The following FBXL22 variants were observed in gnomAD, a reference collection of about 807,000 sequenced individuals.
FBXL22 encodes F-box and leucine rich repeat protein 22.
Under a neutral mutation model 11.7 loss-of-function variants are expected in FBXL22, and 13 were observed. The ratio of observed to expected loss-of-function variants is 1.11; its 90% CI spans 0.73 to 1.77. FBXL22 has a LOEUF of 1.77. Ranked by LOEUF, FBXL22 falls within the 40% of genes most tolerant of loss-of-function variation. The pLI is 0.00. For synonymous variants in FBXL22, 160 were observed against 144.1 expected, an observed-to-expected ratio of 1.11 and a Z score of -0.79; for missense variants, 406 against 320.4, an observed-to-expected ratio of 1.27 and a Z score of -2.04.
chr15:63,599,363 T>C, intron 1 of FBXL22: 1 of 1,431,096 alleles, frequency 7.0e-7, no homozygotes, highest in East Asian at 2.5e-5. Flanking sequence ...CCTTTGAGGC[T>C]TAAACACCTA....
chr15:63,604,277 T>C (rs1219019304), downstream of FBXL22, among the ~76,000 whole-genome samples: 1 of 152,058 alleles, frequency 6.6e-6, no homozygotes, highest in African/African-American at 2.4e-5. Context: ...AAAGCAGGGG[T>C]CACTATAGGT....
intron 1 of FBXL22, chr15:63,599,760 G>A (rs1028856520): frequency 4.0e-5 from 39 of 986,268 alleles, no homozygotes; most frequent in Non-Finnish European, 4.5e-5. Flanking sequence ...TGGCTGCGGG[G>A]AGCCAAGGCC....
chr15:63,597,739 G>A lies in FBXL22; in HGVS notation c.347G>A (p.Cys116Tyr), dbSNP rs1004056901. ...SLVNDFLLRVCDRCPNLASVT... is the reference protein window; with the variant it reads ...SLVNDFLLRVYDRCPNLASVT... ...GTCAATGATTTCCTCCTCCGGGTGTGCGACAGGTAGGCCACCTTGCCTCCT... is the reference window on the plus strand; with the variant it reads ...GTCAATGATTTCCTCCTCCGGGTGTACGACAGGTAGGCCACCTTGCCTCCT... The change falls in exon 1 of 2, where the codon TGC (cysteine) becomes TAC (tyrosine). Residue 116 changes from cysteine (C) to tyrosine (Y), a missense_variant. Cys to Tyr is a radical substitution (Grantham distance 194). Coordinates refer to ENST00000638704, the MANE Select transcript of FBXL22 (RefSeq NM_001367807.1). The surrounding 1 kb of genome is among the most constrained non-coding windows in gnomAD (Gnocchi z 4.3). The A allele has an allele frequency of 1.9e-6, 3 of 1,573,860 alleles. No homozygotes were observed. Among genetic ancestry groups the A allele is most frequent in the South Asian group, 1.2e-5 (1 of 86,532 alleles).
intron 1 of FBXL22, chr15:63,599,882 C>T: frequency 1.0e-6 from 1 of 985,724 alleles, no homozygotes; most frequent in Non-Finnish European, 1.2e-6. Context: ...CCTCACAACC[C>T]CAGTGGTAGA....
rs2067358920 is a variant in FBXL22 at position 63,600,862 on chromosome 15, G to A, written c.519G>A (p.Ala173=). 6.5e-6 allele frequency: 8 copies of A among 1,229,324 alleles called. No individual in the cohort carries two copies. Among genetic ancestry groups the A allele is most frequent in the Non-Finnish European group, 8.1e-6 (8 of 986,446 alleles). The allele number at this position is 1,229,324 out of a possible 1,614,324, so 76.2% of individuals were successfully genotyped here. Reference sequence around the variant, plus strand: ...CTGCCGTGGCGGCGGACGGGCGCGCGCTGCAGACATTGCACGTGGACTTCT... The same window carrying A: ...CTGCCGTGGCGGCGGACGGGCGCGCACTGCAGACATTGCACGTGGACTTCT... ...TLAAVAADGR[A]LQTLHVDFCR... Residue 173 remains alanine, a synonymous_variant, in exon 2 of 2, where the codon GCG becomes GCA. Transcript: ENST00000638704.
chr15:63,607,057 C>CTTT (rs71131174), downstream of FBXL22, among the ~76,000 whole-genome samples: 1 of 137,824 alleles, frequency 7.3e-6, no homozygotes. Context: ...AGCACAGATG[C>CTTT]TTTTTTTTTT....
intron 1 of FBXL22, among the ~76,000 whole-genome samples, chr15:63,598,143 C>T (rs1355728295): frequency 6.6e-6 from 1 of 152,136 alleles, no homozygotes; most frequent in East Asian, 1.9e-4. Flanking sequence ...GCCTGGGAAA[C>T]TACGGAGGAA....
chr15:63,601,411 G>A, downstream of FBXL22: 1 of 1,591,380 alleles, frequency 6.3e-7, no homozygotes, highest in Non-Finnish European at 8.6e-7. Context: ...CTCGGAGTTC[G>A]CCGACTTGCG....
chr15:63,601,257 C>T, downstream of FBXL22: 3 of 1,529,434 alleles, frequency 2.0e-6, no homozygotes, highest in Non-Finnish European at 2.6e-6. Flanking sequence ...CTGGTTCTCA[C>T]TCAACACCAC....
downstream of FBXL22, chr15:63,602,265 A>G (rs2067383019): frequency 6.6e-6 from 1 of 152,434 alleles, no homozygotes. Flanking sequence ...GTGGGGGAAG[A>G]GACAACAGGT....
rs564073394 is a variant in FBXL22 at position 63,600,184 on chromosome 15, T to C, written c.354-513T>C. ...TGAACCCGGACTCAATGCTAACGCG[T>C]GCCCCCACCGCCTTGAGGGTTGGGA... is the stretch of plus-strand genomic sequence containing the variant. On this transcript the variant is annotated intron_variant, in intron 1 of 1. Coordinates refer to ENST00000638704, the MANE Select transcript of FBXL22 (RefSeq NM_001367807.1). 5 of 986,110 alleles carry C rather than the reference T, an allele frequency of 5.1e-6. No individual in the cohort carries two copies. The East Asian group carries it at 5.7e-4, about 112-fold the overall frequency. The allele number at this position is 986,110 out of a possible 1,614,324, so 61.1% of individuals were successfully genotyped here.
In FBXL22 at chr15:63,597,455, C is replaced by T. The variant is rs141944790; in HGVS notation, c.63C>T (p.Phe21=). The change falls in exon 1 of 2, where the codon TTC becomes TTT. Residue 21 remains phenylalanine, a synonymous_variant. Transcript: ENST00000638704. The surrounding 1 kb of genome is among the most constrained non-coding windows in gnomAD (Gnocchi z 4.3). ...QLNRECLLHL[F]SFLDKDSRKS... ...ACCGGGAGTGCCTGCTGCACCTCTT[C>T]TCCTTCCTAGACAAGGACAGCAGGA... The T allele has an allele frequency of 9.5e-5, 154 of 1,614,030 alleles. No homozygotes were observed. The African/African-American group carries it at 1.6e-3, about 17-fold the overall frequency.
Position 63,597,675 on chromosome 15 carries a change from G to A in FBXL22, c.283G>A (p.Ala95Thr). 6.2e-7 allele frequency: 1 copy of A among 1,604,076 alleles called. No homozygotes were observed. The highest frequency in any genetic ancestry group is 1.3e-5 in the African/African-American group (1 of 74,884). The change falls in exon 1 of 2, where the codon GCC (alanine) becomes ACC (threonine). Residue 95 changes from alanine to threonine, a missense_variant. Coordinates refer to ENST00000638704, the MANE Select transcript of FBXL22 (RefSeq NM_001367807.1). This position sits in a 1 kb window ranked among gnomAD's most constrained non-coding sequence, Gnocchi z 4.3. ...VCSIEDWLKS[A>T]FQRSICSRHE... is the part of the protein sequence containing the mutation. ...CAGCATTGAGGACTGGCTCAAGAGT[G>A]CCTTCCAGAGAAGCATCTGCAGCCG... is the stretch of plus-strand genomic sequence containing the variant.
intron 1 of FBXL22, chr15:63,599,686 G>C: frequency 1.0e-6 from 1 of 987,008 alleles, no homozygotes; most frequent in Non-Finnish European, 1.2e-6. Context: ...GGGCAGTCAC[G>C]GAGCTGCGGG....
Position 63,597,700 on chromosome 15 carries a change from G to C in FBXL22, c.308G>C (p.Arg103Pro). ...GCCTTCCAGAGAAGCATCTGCAGCC[G>C]GCACGAGAGCCTGGTCAATGATTTC... ...KSAFQRSICS[R>P]HESLVNDFLL... is the part of the protein sequence containing the mutation. Residue 103 changes from arginine (R) to proline (P), a missense_variant, in exon 1 of 2, where the codon CGG becomes CCG. Coordinates refer to ENST00000638704, the MANE Select transcript of FBXL22 (RefSeq NM_001367807.1). This position sits in a 1 kb window ranked among gnomAD's most constrained non-coding sequence, Gnocchi z 4.3. 2 of 1,598,842 alleles carry C rather than the reference G, an allele frequency of 1.3e-6. No homozygotes were observed. The highest frequency in any genetic ancestry group is 8.5e-7 in the Non-Finnish European group (1 of 1,169,610).
intron 1 of FBXL22, chr15:63,600,057 G>C (rs544666541): frequency 1.0e-6 from 1 of 985,738 alleles, no homozygotes; most frequent in Non-Finnish European, 1.2e-6. Context: ...GTGGGTGTCC[G>C]TGACTGTACC....
At chr15:63,604,921 G>A (rs998633285), downstream of FBXL22, among the ~76,000 whole-genome samples, 3 of 152,058 alleles carry the variant, frequency 2.0e-5, no homozygotes, top group Non-Finnish European at 2.9e-5. Flanking sequence ...GCATGATGGC[G>A]GGTGCCTGTA....
chr15:63,603,375 A>G (rs1259945492), downstream of FBXL22, among the ~76,000 whole-genome samples: 1 of 152,202 alleles, frequency 6.6e-6, no homozygotes, highest in Non-Finnish European at 1.5e-5. Flanking sequence ...TTAAATAGCA[A>G]TCTGGCTACT....
downstream of FBXL22, chr15:63,601,716 C>T (rs1224293045): frequency 3.1e-6 from 5 of 1,592,648 alleles, no homozygotes; most frequent in Admixed American, 1.7e-5. Flanking sequence ...AAATTCGCTC[C>T]CAATTGTTGA....
Sources: gnomAD v4.1 joint callset for allele counts (sites outside exome capture counted in the v4.1 genomes callset) on GRCh38, gnomAD v4.1.1 for gene constraint, Gnocchi (gnomAD v3.1) non-coding constraint, MANE v1.5 for transcripts, NCBI Gene and HGNC (gene_info 2026-07-23, HGNC 2026-07-21) for gene names.